The following WDR20 variants were observed in gnomAD, a reference collection of about 807,000 sequenced individuals.
WDR20 encodes WD repeat-containing protein 20.
In WDR20, 3 loss-of-function variants were observed where a neutral mutation model predicts 38.7. That is an observed-to-expected ratio of 0.08 (90% CI 0.04 to 0.20). The LOEUF (loss-of-function observed/expected upper bound fraction) is 0.20. Ranked by LOEUF, WDR20 falls within the 10% of genes least tolerant of loss-of-function variation. The probability of loss-of-function intolerance (pLI) is 1.00; values close to 1 mark genes in which losing one functional copy is unlikely to be tolerated. For synonymous variants in WDR20, 298 were observed against 285.6 expected (o/e 1.04, Z -0.44); for missense variants, 559 against 727.7 (o/e 0.77, Z 2.67).
intron 1 of WDR20, among the ~76,000 whole-genome samples, chr14:102,194,255 T>A (rs1039776886): frequency 2.0e-5 from 3 of 152,226 alleles, no homozygotes; most frequent in African/African-American, 7.2e-5. Context: ...ATGGCCTCGA[T>A]AAGTAATGTT....
chr14:102,180,332 G>T (rs1041924826), intron 1 of WDR20, among the ~76,000 whole-genome samples: 2 of 152,294 alleles, frequency 1.3e-5, no homozygotes, highest in African/African-American at 4.8e-5. Flanking sequence ...CAAATAGCTT[G>T]TTCAAGCTCA....
downstream of WDR20, among the ~76,000 whole-genome samples, chr14:102,217,616 A>AT (rs1252381600): frequency 2.3e-4 from 34 of 146,598 alleles, 1 homozygote; most frequent in Admixed American, 1.8e-3. Flanking sequence ...GGCTGGGCCC[A>AT]GGGTTCCCGG....
At chr14:102,161,587 C>A (rs1690954067) in intron 1 of WDR20, among the ~76,000 whole-genome samples, 1 of 152,026 alleles carries the variant, frequency 6.6e-6, no homozygotes, top group Non-Finnish European at 1.5e-5. Context: ...TTACAAGTAA[C>A]AGGAAACCCA....
intron 2 of WDR20, among the ~76,000 whole-genome samples, chr14:102,204,044 T>C (rs2061033730): frequency 6.6e-6 from 1 of 152,232 alleles, no homozygotes; most frequent in African/African-American, 2.4e-5. Context: ...CTTCCCACAC[T>C]GGCCTGGGGT....
chr14:102,214,178 C>G, downstream of WDR20: 1 of 985,664 alleles, frequency 1.0e-6, no homozygotes, highest in South Asian at 4.7e-5. Flanking sequence ...GAGACGCCTC[C>G]TCCGGTCTGG....
chr14:102,201,482 A>G (rs2152975366), intron 2 of WDR20, among the ~76,000 whole-genome samples: 1 of 152,312 alleles, frequency 6.6e-6, no homozygotes, highest in Admixed American at 6.5e-5. Context: ...TTTCATTTTA[A>G]CTAGTGTATT....
chr14:102,174,718 A>AT (rs1248477949), intron 1 of WDR20, among the ~76,000 whole-genome samples: 1 of 151,928 alleles, frequency 6.6e-6, no homozygotes, highest in Non-Finnish European at 1.5e-5. Context: ...CATGCCCAGC[A>AT]TTTTTTGTTT....
chr14:102,189,443 A>C (rs2065787516), intron 1 of WDR20, among the ~76,000 whole-genome samples: 1 of 152,220 alleles, frequency 6.6e-6, no homozygotes, highest in African/African-American at 2.4e-5. Context: ...CATAATGATA[A>C]AATTTAAACT....
At chr14:102,164,929 A>G (rs1444043688) in intron 1 of WDR20, among the ~76,000 whole-genome samples, 1 of 152,226 alleles carries the variant, frequency 6.6e-6, no homozygotes, top group African/African-American at 2.4e-5. Context: ...GCAATAAATT[A>G]ATACAGCAGG....
At chr14:102,189,743 T>G (rs1384265774) in intron 1 of WDR20, among the ~76,000 whole-genome samples, 1 of 152,222 alleles carries the variant, frequency 6.6e-6, no homozygotes, top group Non-Finnish European at 1.5e-5. Flanking sequence ...AAAAACTAAT[T>G]TTGTGGAACT....
chr14:102,222,681 AAT>A lies in WDR20; in HGVS notation c.1693-147_1693-146del. On this transcript the variant is annotated intron_variant, in intron 3 of 3. Transcript: ENST00000335263. This position sits in a 1 kb window ranked among gnomAD's most constrained non-coding sequence, Gnocchi z 4.4. The stretch of plus-strand genomic sequence containing the variant: ...AACGCAGTGATCTGGATAGGAATTA[AAT>A]AGATGAAGTGGAGGGTTTGCTCCCA... 2.6e-6 allele frequency: 2 copies of A among 769,092 alleles called. No individual in the cohort carries two copies. Among genetic ancestry groups the A allele is most frequent in the South Asian group, 3.2e-5 (2 of 63,168 alleles). The allele number at this position is 769,092 out of a possible 1,614,324, so 47.6% of individuals were successfully genotyped here.
At chr14:102,182,729 C>A (rs1423563507) in intron 1 of WDR20, among the ~76,000 whole-genome samples, 2 of 151,380 alleles carry the variant, frequency 1.3e-5, no homozygotes, top group Non-Finnish European at 2.9e-5. Flanking sequence ...TGATTATTGA[C>A]AAAAAGGCAA....
downstream of WDR20, chr14:102,224,388 A>C (rs773588765): frequency 2.8e-5 from 10 of 358,378 alleles, no homozygotes; most frequent in Non-Finnish European, 5.4e-5. Flanking sequence ...TGAGCATCTG[A>C]GTTTAGGGCA....
At chr14:102,203,088 C>T (rs2152985818) in intron 2 of WDR20, among the ~76,000 whole-genome samples, 1 of 152,292 alleles carries the variant, frequency 6.6e-6, no homozygotes, top group South Asian at 2.1e-4. Context: ...GGTTCCTCAT[C>T]ACCCCCACCC....
intron 1 of WDR20, among the ~76,000 whole-genome samples, chr14:102,179,404 G>C (rs1320679142): frequency 6.9e-6 from 1 of 145,084 alleles, no homozygotes; most frequent in African/African-American, 2.6e-5. Flanking sequence ...TCTGACCTCT[G>C]AACTTCTAAC....
intron 1 of WDR20, among the ~76,000 whole-genome samples, chr14:102,174,705 C>G (rs2061695867): frequency 6.6e-6 from 1 of 152,198 alleles, no homozygotes; most frequent in African/African-American, 2.4e-5. Context: ...AGGCGTGAGC[C>G]ACCATGCCCA....
At position 102,200,470 on chromosome 14, in the gene WDR20, TGTG is replaced by T. The variant is rs1567024355; in HGVS notation, c.432+5351_432+5353del. ...TTTACTTTTTAAATTTTTTTTTTTG[TGTG>T]TGTGTGTGTGTGTGTGTGTGTGTGT... On this transcript the variant is annotated intron_variant, in intron 2 of 2. Coordinates refer to ENST00000342702, the MANE Select transcript of WDR20 (RefSeq NM_144574.4). Among the ~76,000 whole-genome samples the T allele has an allele frequency of 1.6e-4, 13 of 78,830 alleles. No homozygotes were observed. In the South Asian group the frequency reaches 1.7e-3, roughly 10 times the overall value. 51.7% of individuals were successfully genotyped at this position (78,830 alleles called of 152,430 possible).
At chr14:102,196,402 G>A (rs1049505375) in intron 2 of WDR20, among the ~76,000 whole-genome samples, 1 of 152,138 alleles carries the variant, frequency 6.6e-6, no homozygotes, top group Admixed American at 6.5e-5. Context: ...TTTCTAAGTA[G>A]CTGGATGATT....
rs562701382 is a variant in WDR20, at chr14:102,148,299, T to A, written c.249+8127T>A. 2.0e-5 allele frequency among the ~76,000 whole-genome samples: 3 copies of A among 152,214 alleles called. No homozygotes were observed. The South Asian group carries it at 6.2e-4, about 32-fold the overall frequency. ...TGGCTCTTGCCCTTAATCCCAGTAT[T>A]TTAGGAGACCGAGGCAGGAGGATTG... On this transcript the variant is annotated intron_variant, in intron 1 of 2. Coordinates refer to ENST00000342702, the MANE Select transcript of WDR20 (RefSeq NM_144574.4).
Sources: allele counts gnomAD v4.1 joint callset (sites outside exome capture counted in the v4.1 genomes callset), GRCh38; gene constraint gnomAD v4.1.1; non-coding constraint Gnocchi (gnomAD v3.1); transcripts MANE v1.5; gene names NCBI Gene and HGNC (gene_info 2026-07-23, HGNC 2026-07-21).